Variants in NCOA2 observed in about 807,000 individuals in gnomAD.
NCOA2 encodes the protein nuclear receptor coactivator 2.
Under a neutral mutation model 145.1 loss-of-function variants are expected in NCOA2, and 21 were observed. The ratio of observed to expected loss-of-function variants is 0.14; its 90% confidence interval spans 0.10 to 0.21. The LOEUF (loss-of-function observed/expected upper bound fraction) is 0.21. Among genes scored for constraint, NCOA2 ranks in the 10% least tolerant of loss-of-function variants. The probability of loss-of-function intolerance (pLI) is 1.00; values close to 1 mark genes in which losing one functional copy is unlikely to be tolerated. For missense variants in NCOA2, 1,472 were observed against 1,837.6 expected (o/e 0.80, Z 3.64); for synonymous variants, 619 against 637.5 (o/e 0.97, Z 0.44).
rs562053286 is a variant in NCOA2, at chr8:70,399,108, G to A, written c.-77+4592C>T. Among the ~76,000 whole-genome samples the A allele has an allele frequency of 2.6e-5, 4 of 152,270 alleles. No individual in the cohort carries two copies. The South Asian group carries it at 8.3e-4, about 32-fold the overall frequency. On this transcript the variant is annotated intron_variant, in intron 1 of 22. Coordinates refer to ENST00000452400, the MANE Select transcript of NCOA2 (RefSeq NM_006540.4). ...GAAATTAGCATCTAGAATCCATAAA[G>A]ATGTGTTTTCTTTATGATGTCTGAA...
the NCOA2 span, among the ~76,000 whole-genome samples, chr8:70,416,975 A>G: frequency 1.3e-5 from 2 of 152,160 alleles, no homozygotes; most frequent in East Asian, 3.8e-4. Flanking sequence ...CTTATGTTAT[A>G]TGTTAAGGGG....
At chr8:70,269,414 G>A (rs1824869695) in intron 2 of NCOA2, among the ~76,000 whole-genome samples, 1 of 151,952 alleles carries the variant, frequency 6.6e-6, no homozygotes, top group Non-Finnish European at 1.5e-5. Flanking sequence ...TAAGGACCAG[G>A]AGTTCAAGAC....
chr8:70,261,101 G>A (rs1199989238), intron 2 of NCOA2, among the ~76,000 whole-genome samples: 1 of 152,066 alleles, frequency 6.6e-6, no homozygotes, highest in African/African-American at 2.4e-5. Context: ...CCCATTACTG[G>A]GCATATACCC....
chr8:70,231,725 C>T (rs754899328), intron 2 of NCOA2, among the ~76,000 whole-genome samples: 3 of 152,172 alleles, frequency 2.0e-5, no homozygotes, highest in African/African-American at 4.8e-5. Context: ...TCTCATTACA[C>T]GTGTAGTGGG....
At chr8:70,454,297 C>T in the NCOA2 span, among the ~76,000 whole-genome samples, 1,427 of 152,252 alleles carry the variant, frequency 9.4e-3, 14 homozygotes, top group African/African-American at 0.032. Flanking sequence ...AATCAAGTCA[C>T]GCTCATGACA....
At chr8:70,244,527 C>A (rs1225903729) in intron 2 of NCOA2, among the ~76,000 whole-genome samples, 3 of 152,034 alleles carry the variant, frequency 2.0e-5, no homozygotes, top group Admixed American at 6.6e-5. Context: ...TCAAGGCCTC[C>A]ACCAAAAATA....
intron 1 of NCOA2, among the ~76,000 whole-genome samples, chr8:70,317,066 T>C (rs73288529): frequency 0.017 from 2,585 of 152,254 alleles, 59 homozygotes; most frequent in African/African-American, 0.058. Context: ...ACATGAACTC[T>C]TGGGGTTTGC....
At chr8:70,175,631 C>G (rs1814743855) in intron 4 of NCOA2, among the ~76,000 whole-genome samples, 1 of 152,230 alleles carries the variant, frequency 6.6e-6, no homozygotes. Context: ...AAAAGATGCA[C>G]ACTTATCAAC....
intron 1 of NCOA2, among the ~76,000 whole-genome samples, chr8:70,336,879 G>T (rs78768200): frequency 0.023 from 3,574 of 152,120 alleles, 131 homozygotes; most frequent in African/African-American, 0.083. Flanking sequence ...TCTACCTTTG[G>T]ACTATTGTAA....
intron 1 of NCOA2, among the ~76,000 whole-genome samples, chr8:70,379,954 G>A: frequency 6.6e-6 from 1 of 151,968 alleles, no homozygotes; most frequent in East Asian, 1.9e-4. Flanking sequence ...GGATATAAAG[G>A]TGTCAATGAG....
At chr8:70,341,676 T>C (rs1240462807) in intron 1 of NCOA2, among the ~76,000 whole-genome samples, 11 of 152,232 alleles carry the variant, frequency 7.2e-5, no homozygotes, top group Admixed American at 7.2e-4. Context: ...TGCTCTTATT[T>C]AGTACTTAAA....
At chr8:70,362,993 A>G (rs1586599198) in intron 1 of NCOA2, among the ~76,000 whole-genome samples, 1 of 148,846 alleles carries the variant, frequency 6.7e-6, no homozygotes, top group Admixed American at 6.8e-5. Flanking sequence ...TGGGAGGATC[A>G]CCTGAGCCCG....
the NCOA2 span, among the ~76,000 whole-genome samples, chr8:70,410,351 C>T: frequency 1.3e-5 from 2 of 152,128 alleles, no homozygotes; most frequent in Admixed American, 6.6e-5. Flanking sequence ...CAATTCTACC[C>T]TACAGTTCTC....
chr8:70,112,857 G>T lies in NCOA2; in HGVS notation c.*775C>A. The T allele has an allele frequency of 4.9e-6, 1 of 202,884 alleles. No individual in the cohort carries two copies. The highest frequency in any genetic ancestry group is 1.0e-5 in the Non-Finnish European group (1 of 98,848). 12.6% of individuals were successfully genotyped at this position (202,884 alleles called of 1,614,324 possible). On this transcript the variant is annotated 3_prime_UTR_variant, in exon 23 of 23. Transcript: ENST00000452400. ...CAAGCTGTCTGATCAAACTAAAAGG[G>T]ACTTAATTTAGAAATGAAAATTATT...
At chr8:70,140,246 G>A (rs1810234827) in intron 14 of NCOA2, among the ~76,000 whole-genome samples, 1 of 152,116 alleles carries the variant, frequency 6.6e-6, no homozygotes, top group African/African-American at 2.4e-5. Context: ...TACTCATTAG[G>A]AGTCACTCCC....
At chr8:70,445,581 CGT>C in the NCOA2 span, among the ~76,000 whole-genome samples, 1 of 152,068 alleles carries the variant, frequency 6.6e-6, no homozygotes, top group East Asian at 1.9e-4. Flanking sequence ...AAAGCCTAAA[CGT>C]GTTGCCCCAA....
chr8:70,430,618 T>C, the NCOA2 span, among the ~76,000 whole-genome samples: 3 of 152,170 alleles, frequency 2.0e-5, no homozygotes, highest in Non-Finnish European at 4.4e-5. Flanking sequence ...GCTGTCATGA[T>C]AGGTTAGTTC....
Position 70,123,755 on chromosome 8 carries a change from A to G in NCOA2, c.4293+129T>C, listed in dbSNP as rs73285381. ...TGTCACTAACACAGGTGAAGGGTGA[A>G]AAACACTCCTCAAAGTAAATGTGGG... On this transcript the variant is annotated intron_variant, in intron 21 of 22. Transcript: ENST00000452400. The G allele has an allele frequency of 1.3e-3, 891 of 705,060 alleles. 4 individuals carry two copies. In the African/African-American group the frequency reaches 0.015, roughly 12 times the overall value. The allele number at this position is 705,060 out of a possible 1,614,324, so 43.7% of individuals were successfully genotyped here.
chr8:70,239,936 T>C (rs745716476), intron 2 of NCOA2, among the ~76,000 whole-genome samples: 7 of 152,190 alleles, frequency 4.6e-5, no homozygotes, highest in Non-Finnish European at 8.8e-5. Flanking sequence ...AGAGACCACC[T>C]TTGCTACTAC....
Sources: gnomAD v4.1 joint callset for allele counts (sites outside exome capture counted in the v4.1 genomes callset) on GRCh38, gnomAD v4.1.1 for gene constraint, MANE v1.5 for transcripts, NCBI Gene and HGNC (gene_info 2026-07-23, HGNC 2026-07-21) for gene names.